Variants in ARHGAP12 observed in about 807,000 individuals in gnomAD.
The protein encoded by ARHGAP12 is Rho GTPase activating protein 12.
Under a neutral mutation model 108.6 loss-of-function variants are expected in ARHGAP12, and 64 were observed. That is an observed-to-expected ratio of 0.59 (90% CI 0.48 to 0.73). The LOEUF (loss-of-function observed/expected upper bound fraction) is 0.73, where lower values mean the gene tolerates loss of function less well. ARHGAP12 is among the 30% of genes least tolerant of loss of function. The pLI is 0.00. For synonymous variants in ARHGAP12, 312 were observed against 337.2 expected (o/e 0.93, Z 0.82); for missense variants, 940 against 1,005.9 (o/e 0.93, Z 0.89).
At chr10:31,881,179 A>G (rs1278509276) in intron 3 of ARHGAP12, among the ~76,000 whole-genome samples, 1 of 152,116 alleles carries the variant, frequency 6.6e-6, no homozygotes, top group African/African-American at 2.4e-5. Context: ...AAAAAAACTT[A>G]CCACATCAGT....
At chr10:31,880,807 C>T (rs915345114) in intron 3 of ARHGAP12, among the ~76,000 whole-genome samples, 1 of 151,748 alleles carries the variant, frequency 6.6e-6, no homozygotes, top group Non-Finnish European at 1.5e-5. Context: ...TGGCTCATGC[C>T]TGTAGTCCCA....
chr10:31,861,343 A>T, intron 4 of ARHGAP12, 52 bp downstream of exon 4: 3 of 1,541,162 alleles, frequency 1.9e-6, no homozygotes, highest in Non-Finnish European at 2.6e-6. Flanking sequence ...GTTTCTGAAT[A>T]ATGAAAAGAG....
At chr10:31,896,505 T>C (rs988252559) in intron 3 of ARHGAP12, among the ~76,000 whole-genome samples, 2 of 152,092 alleles carry the variant, frequency 1.3e-5, no homozygotes. Context: ...AGAAAAGTCC[T>C]ATCATTTCTA....
At chr10:31,891,575 C>T (rs77368465) in intron 3 of ARHGAP12, among the ~76,000 whole-genome samples, 3 of 151,224 alleles carry the variant, frequency 2.0e-5, no homozygotes, top group African/African-American at 4.9e-5. Flanking sequence ...TTGCTCTTCT[C>T]GAGGAGTATC....
chr10:31,822,316 G>A (rs1355690065), intron 11 of ARHGAP12, among the ~76,000 whole-genome samples: 1 of 152,164 alleles, frequency 6.6e-6, no homozygotes, highest in East Asian at 1.9e-4. Context: ...TTTCCAAGAA[G>A]AAAGCAGCGA....
At position 31,818,357 on chromosome 10, in the gene ARHGAP12, A is replaced by AT. The variant is rs1299263861; in HGVS notation, c.1633-472_1633-471insA. Among the ~76,000 whole-genome samples, 154 of 152,328 alleles carry AT rather than the reference A, an allele frequency of 1.0e-3. 2 individuals are homozygous for AT. Among genetic ancestry groups the AT allele is most frequent in the African/African-American group, 3.6e-3 (149 of 41,568 alleles). ...TTCAATATTTCCTACTTTGTAGGTAAATATAATGGCTTAGTACAAAGAGCA... is the reference window on the plus strand; with the variant it reads ...TTCAATATTTCCTACTTTGTAGGTAATATATAATGGCTTAGTACAAAGAGCA... On this transcript the variant is annotated intron_variant, in intron 12 of 19. Transcript: ENST00000344936.
intron 3 of ARHGAP12, among the ~76,000 whole-genome samples, chr10:31,906,382 T>C (rs1419078374): frequency 2.6e-5 from 4 of 152,220 alleles, no homozygotes; most frequent in African/African-American, 9.6e-5. Flanking sequence ...CCCCAATTTT[T>C]AAATGAAGAA....
chr10:31,862,586 C>T (rs1484679421), intron 3 of ARHGAP12, among the ~76,000 whole-genome samples: 3 of 152,092 alleles, frequency 2.0e-5, no homozygotes, highest in Non-Finnish European at 4.4e-5. Flanking sequence ...TTAACCCTAG[C>T]ACCACTGACA....
intron 10 of ARHGAP12, among the ~76,000 whole-genome samples, chr10:31,830,151 A>G (rs1191594796): frequency 6.6e-6 from 1 of 152,130 alleles, no homozygotes; most frequent in Non-Finnish European, 1.5e-5. Context: ...TTAATTTCTC[A>G]CAGTATCTGT....
Position 31,875,772 on chromosome 10 carries a change from C to G in ARHGAP12, c.685-14114G>C, listed in dbSNP as rs182138779. On this transcript the variant is annotated intron_variant, in intron 3 of 19. Transcript: ENST00000344936. ...TTTCCCACTACGGTGCAACCATCAC[C>G]ACCATCCATCTCCAGAACTTCTTTC... Among the ~76,000 whole-genome samples, 11 of 152,266 alleles carry G rather than the reference C, an allele frequency of 7.2e-5. No homozygotes were observed. The East Asian group carries it at 2.1e-3, about 29-fold the overall frequency.
chr10:31,856,064 A>T (rs183832609), intron 4 of ARHGAP12, among the ~76,000 whole-genome samples: 1 of 152,200 alleles, frequency 6.6e-6, no homozygotes, highest in Non-Finnish European at 1.5e-5. Context: ...CAGCAAATGT[A>T]TCCTAGTACA....
At chr10:31,816,052 G>A (rs1434886711) in intron 13 of ARHGAP12, among the ~76,000 whole-genome samples, 1 of 152,098 alleles carries the variant, frequency 6.6e-6, no homozygotes, top group East Asian at 1.9e-4. Context: ...TTGGGAGGCT[G>A]AGACAGGAGA....
intron 11 of ARHGAP12, among the ~76,000 whole-genome samples, chr10:31,821,193 T>C (rs1835403740): frequency 6.6e-6 from 1 of 152,118 alleles, no homozygotes; most frequent in South Asian, 2.1e-4. Context: ...TAGAGACAGA[T>C]GCTATAAAGC....
chr10:31,865,436 G>A (rs1408796311), intron 3 of ARHGAP12, among the ~76,000 whole-genome samples: 2 of 152,064 alleles, frequency 1.3e-5, no homozygotes, highest in African/African-American at 4.8e-5. Flanking sequence ...TACAGTTAAT[G>A]TCAAGATGAA....
intron 3 of ARHGAP12, among the ~76,000 whole-genome samples, chr10:31,895,449 C>G (rs1289920369): frequency 6.6e-6 from 1 of 152,172 alleles, no homozygotes; most frequent in Non-Finnish European, 1.5e-5. Context: ...ACAGACACTT[C>G]TCAAAAGAAG....
chr10:31,910,676 T>G (rs147514213), intron 1 of ARHGAP12, 113 bp from the exon 2 acceptor site: 12 of 152,372 alleles, frequency 7.9e-5, no homozygotes, highest in Admixed American at 3.9e-4. Context: ...CTATAAGGAA[T>G]CAGGAAAGTT....
chr10:31,823,125 C>T (rs1300904814), intron 11 of ARHGAP12, among the ~76,000 whole-genome samples: 2 of 152,084 alleles, frequency 1.3e-5, no homozygotes, highest in African/African-American at 4.8e-5. Flanking sequence ...TCAGTCTTCC[C>T]CACTACTACG....
At chr10:31,889,564 A>G (rs976992249) in intron 3 of ARHGAP12, among the ~76,000 whole-genome samples, 5 of 147,110 alleles carry the variant, frequency 3.4e-5, no homozygotes, top group Admixed American at 2.0e-4. Context: ...TAAAAATTTT[A>G]TCTTCTGTGA....
In ARHGAP12 at chr10:31,861,467, A is replaced by G. The variant is rs79603985; in HGVS notation, c.876T>C (p.Thr292=). The G allele has an allele frequency of 1.8e-4, 290 of 1,614,138 alleles. 1 individual carries two copies. The African/African-American group carries it at 3.6e-3, about 20-fold the overall frequency. ...YYYNRGTQER[T]WKPPRWTRDA... ...CCCGAGTCCAACGAGGAGGTTTCCA[A>G]GTTCTTTCCTGTGTCCCTCTGTTAT... is the stretch of plus-strand genomic sequence containing the variant. The change falls in exon 4 of 20, where the codon ACT becomes ACC. Residue 292 remains threonine, a synonymous_variant. Coordinates refer to ENST00000344936, the MANE Select transcript of ARHGAP12 (RefSeq NM_018287.7).
Sources: allele counts gnomAD v4.1 joint callset (sites outside exome capture counted in the v4.1 genomes callset), GRCh38; gene constraint gnomAD v4.1.1; transcripts MANE v1.5; gene names NCBI Gene and HGNC (gene_info 2026-07-23, HGNC 2026-07-21).